FOXP2: variants seen among roughly 807,000 people sequenced by gnomAD.
FOXP2 encodes the protein forkhead box protein P2.
Under a neutral mutation model 115.8 loss-of-function variants are expected in FOXP2, and 12 were observed. That is an observed-to-expected ratio of 0.10 (90% CI 0.07 to 0.17). FOXP2 has a LOEUF of 0.17. Among genes scored for constraint, FOXP2 ranks in the 10% least tolerant of loss-of-function variants. The pLI is 1.00. For missense variants in FOXP2, 629 were observed against 843.5 expected (o/e 0.75, Z 3.15); for synonymous variants, 328 against 297.7 (o/e 1.10, Z -1.05).
chr7:114,667,072 A>G (rs1186891453), intron 16 of FOXP2: 1 of 152,108 alleles, frequency 6.6e-6, no homozygotes, highest in Non-Finnish European at 1.5e-5. Context: ...TTGACAATCC[A>G]TTTTCTTCTC....
intron 3 of FOXP2, among the ~76,000 whole-genome samples, chr7:114,588,031 C>T (rs770003956): frequency 2.1e-4 from 32 of 151,424 alleles, no homozygotes; most frequent in Non-Finnish European, 4.4e-4. Flanking sequence ...ACTTTAAGGC[C>T]GGGCATGGTG....
rs1235310086 is a variant in FOXP2, at chr7:114,691,744, A to G, written c.*1818A>G. The G allele has an allele frequency of 4.4e-6, 2 of 454,062 alleles. No individual in the cohort carries two copies. Among genetic ancestry groups the G allele is most frequent in the Non-Finnish European group, 8.8e-6 (2 of 226,674 alleles). The allele number at this position is 454,062 out of a possible 1,614,324, so 28.1% of individuals were successfully genotyped here. On this transcript the variant is annotated 3_prime_UTR_variant, in exon 17 of 17. Coordinates refer to ENST00000350908, the MANE Select transcript of FOXP2 (RefSeq NM_014491.4). ...GAAGGTGGCTGCTAGAGCTTAACAT[A>G]CGTTCCCGTTCCATGTGATGGAACC...
At chr7:114,427,281 T>C (rs754094212) in intron 2 of FOXP2, among the ~76,000 whole-genome samples, 45 of 151,584 alleles carry the variant, frequency 3.0e-4, no homozygotes, top group Non-Finnish European at 6.2e-4. Flanking sequence ...CTCCTAAGTG[T>C]CTCATAAAAT....
At chr7:114,560,181 G>A (rs1469494929) in intron 3 of FOXP2, among the ~76,000 whole-genome samples, 1 of 152,136 alleles carries the variant, frequency 6.6e-6, no homozygotes, top group African/African-American at 2.4e-5. Flanking sequence ...TTAATAAACT[G>A]TGCTGTGTTG....
chr7:114,144,156 G>C (rs993345440), intron 1 of FOXP2, among the ~76,000 whole-genome samples: 4 of 152,060 alleles, frequency 2.6e-5, no homozygotes, highest in African/African-American at 9.7e-5. Flanking sequence ...TATGATTTTC[G>C]GTAGATTAGG....
chr7:114,344,217 T>C (rs1791284948), intron 2 of FOXP2, among the ~76,000 whole-genome samples: 1 of 151,770 alleles, frequency 6.6e-6, no homozygotes, highest in African/African-American at 2.4e-5. Context: ...CCTGTGATTT[T>C]TGGCTTCGGT....
At chr7:114,192,965 A>G (rs958201470) in intron 1 of FOXP2, among the ~76,000 whole-genome samples, 11 of 152,146 alleles carry the variant, frequency 7.2e-5, no homozygotes, top group Non-Finnish European at 1.3e-4. Context: ...TAAACATCAA[A>G]TAAACACCTA....
intron 8 of FOXP2, among the ~76,000 whole-genome samples, chr7:114,648,456 T>C (rs1806044348): frequency 6.6e-6 from 1 of 152,160 alleles, no homozygotes; most frequent in South Asian, 2.1e-4. Context: ...GATTTAAATC[T>C]GATCCCTTTT....
intron 2 of FOXP2, among the ~76,000 whole-genome samples, chr7:114,348,669 A>T (rs145730388): frequency 2.1e-3 from 327 of 152,220 alleles, no homozygotes; most frequent in Non-Finnish European, 3.5e-3. Flanking sequence ...CAGCTTTCTT[A>T]TCTGTAAAAC....
intron 1 of FOXP2, among the ~76,000 whole-genome samples, chr7:114,187,348 T>G (rs1793634329): frequency 6.6e-6 from 1 of 152,206 alleles, no homozygotes; most frequent in Admixed American, 6.5e-5. Flanking sequence ...CCTAGTTCAT[T>G]GCTTTTAAGT....
chr7:114,674,031 A>G (rs1807632385), intron 16 of FOXP2, among the ~76,000 whole-genome samples: 1 of 152,136 alleles, frequency 6.6e-6, no homozygotes, highest in Non-Finnish European at 1.5e-5. Context: ...ATGGAACTTT[A>G]TAACTCCACC....
chr7:114,145,450 T>TCTTTTCTTTTCTTTA (rs1792342029), intron 1 of FOXP2, among the ~76,000 whole-genome samples: 1 of 104,284 alleles, frequency 9.6e-6, no homozygotes, highest in Non-Finnish European at 1.7e-5. Context: ...TCTTTTCTTT[T>TCTTTTCTTTTCTTTA]CTTTTCTTTT....
At chr7:114,534,297 C>T (rs1279562886) in intron 2 of FOXP2, among the ~76,000 whole-genome samples, 1 of 118,622 alleles carries the variant, frequency 8.4e-6, no homozygotes, top group East Asian at 2.4e-4. Context: ...AGGGAGTGGG[C>T]ATTTTAGTTA....
intron 1 of FOXP2, among the ~76,000 whole-genome samples, chr7:114,142,688 G>T (rs564316415): frequency 1.3e-5 from 2 of 152,220 alleles, no homozygotes; most frequent in South Asian, 4.1e-4. Flanking sequence ...TCTGGCATAT[G>T]GTCAGTGCTC....
chr7:114,176,298 T>TTCTC (rs1554426487), intron 1 of FOXP2, among the ~76,000 whole-genome samples: 1,414 of 76,556 alleles, frequency 0.018, 15 homozygotes, highest in Non-Finnish European at 0.027. Context: ...CTTTCTTTCT[T>TTCTC]TCTCTCTCTC....
chr7:114,222,370 G>A (rs1794646740), intron 1 of FOXP2, among the ~76,000 whole-genome samples: 1 of 151,984 alleles, frequency 6.6e-6, no homozygotes, highest in South Asian at 2.1e-4. Flanking sequence ...GGCTGTTCTT[G>A]AACTCCTGGG....
At chr7:114,542,769 T>TTTTTTG (rs1424893582) in intron 3 of FOXP2, among the ~76,000 whole-genome samples, 5 of 150,784 alleles carry the variant, frequency 3.3e-5, no homozygotes, top group Admixed American at 2.6e-4. Flanking sequence ...TGGAATAAAT[T>TTTTTTG]TTTTTGTTTT....
chr7:114,673,287 A>T (rs908075333), intron 16 of FOXP2, among the ~76,000 whole-genome samples: 1 of 152,208 alleles, frequency 6.6e-6, no homozygotes, highest in Non-Finnish European at 1.5e-5. Flanking sequence ...TTGGAATGGT[A>T]CCAATTGTAT....
Position 114,543,678 on chromosome 7 carries a change from A to T in FOXP2, c.258+8972A>T, listed in dbSNP as rs146798853. Among the ~76,000 whole-genome samples the T allele has an allele frequency of 1.5e-3, 223 of 152,358 alleles. 2 individuals carry two copies. In the East Asian group the frequency reaches 0.04, roughly 27 times the overall value. ...GAGAAGTCAGCAATCTGAAGACCAG[A>T]TCAACTTTTTAGCTACTTGATTGTT... On this transcript the variant is annotated intron_variant, in intron 3 of 16. Coordinates refer to ENST00000350908, the MANE Select transcript of FOXP2 (RefSeq NM_014491.4).
Sources: gnomAD v4.1 joint callset for allele counts (sites outside exome capture counted in the v4.1 genomes callset) on GRCh38, gnomAD v4.1.1 for gene constraint, MANE v1.5 for transcripts, NCBI Gene and HGNC (gene_info 2026-07-23, HGNC 2026-07-21) for gene names.